Variants in MAF observed in about 807,000 individuals in gnomAD.
The protein encoded by MAF is MAF bZIP transcription factor.
In MAF, 10 loss-of-function variants were observed where a neutral mutation model predicts 22.0. That is an observed-to-expected ratio of 0.45 (90% CI 0.28 to 0.77). The LOEUF is 0.77. Among genes scored for constraint, MAF ranks in the 30% least tolerant of loss-of-function variants. The pLI, the probability that MAF is intolerant of heterozygous loss-of-function variation, is 0.12. For missense variants in MAF, 544 were observed against 548.4 expected, an observed-to-expected ratio of 0.99 and a Z score of 0.08; for synonymous variants, 337 against 255.8, an observed-to-expected ratio of 1.32 and a Z score of -3.03.
At chr16:79,350,591 G>T in the MAF span, among the ~76,000 whole-genome samples, 1 of 152,074 alleles carries the variant, frequency 6.6e-6, no homozygotes, top group Admixed American at 6.6e-5. Flanking sequence ...CAGGCCCCAC[G>T]CTGAAAAACC....
chr16:79,249,329 G>GAACC, the MAF span, among the ~76,000 whole-genome samples: 1 of 150,490 alleles, frequency 6.6e-6, no homozygotes, highest in Admixed American at 6.7e-5. Context: ...TGAGGCAAGA[G>GAACC]AACCACCTGA....
At chr16:79,355,595 G>T in the MAF span, among the ~76,000 whole-genome samples, 3 of 152,194 alleles carry the variant, frequency 2.0e-5, no homozygotes, top group Non-Finnish European at 2.9e-5. Flanking sequence ...TATCTCCCTG[G>T]TTTGAGAGTT....
the MAF span, among the ~76,000 whole-genome samples, chr16:79,403,566 C>T: frequency 6.6e-6 from 1 of 152,254 alleles, no homozygotes; most frequent in East Asian, 1.9e-4. Context: ...CTTAATGCCA[C>T]TCTTTAGGTT....
chr16:79,594,492 G>T lies in MAF; in HGVS notation c.1180C>A (p.His394Asn), dbSNP rs1223990243. The change falls in exon 2 of 2, where the codon CAT (histidine) becomes AAT (asparagine). Residue 394 changes from histidine to asparagine, a missense_variant. This residue lies in a region of MAF where 129 missense variants were observed against 113.6 expected (regional missense o/e 1.14). Transcript: ENST00000326043. ...VGYATFWKPQ[H>N]RVLTSVFTK ...GTGAACACACTGGTAAGTACACGAT[G>T]CTGGGGCTTCCAAAATGTGGCGTAT... 4 of 1,566,370 alleles carry T rather than the reference G, an allele frequency of 2.6e-6. No individual in the cohort carries two copies. In the South Asian group the frequency reaches 4.7e-5, roughly 18 times the overall value.
At chr16:79,387,237 T>G in the MAF span, among the ~76,000 whole-genome samples, 1 of 152,360 alleles carries the variant, frequency 6.6e-6, no homozygotes, top group Admixed American at 6.5e-5. Flanking sequence ...TGGGTGCTGC[T>G]AAGCATTTGC....
chr16:79,549,338 A>C, the MAF span, among the ~76,000 whole-genome samples: 1 of 152,308 alleles, frequency 6.6e-6, no homozygotes, highest in African/African-American at 2.4e-5. Context: ...GAAATGATAC[A>C]AGGTCAGAAC....
At chr16:79,402,697 C>A in the MAF span, among the ~76,000 whole-genome samples, 1 of 152,202 alleles carries the variant, frequency 6.6e-6, no homozygotes, top group Non-Finnish European at 1.5e-5. Context: ...CTTGGCAGGG[C>A]AGGTTTCTGG....
the MAF span, among the ~76,000 whole-genome samples, chr16:79,372,586 C>G: frequency 6.6e-6 from 1 of 152,190 alleles, no homozygotes; most frequent in African/African-American, 2.4e-5. Flanking sequence ...CCGTGGTGAC[C>G]TACTGGGGCA....
At chr16:79,524,779 G>T in the MAF span, among the ~76,000 whole-genome samples, 1 of 152,118 alleles carries the variant, frequency 6.6e-6, no homozygotes, top group East Asian at 1.9e-4. Flanking sequence ...TTATCCCATT[G>T]GATATGGGAA....
the MAF span, among the ~76,000 whole-genome samples, chr16:79,484,449 C>G: frequency 6.6e-6 from 1 of 152,196 alleles, no homozygotes; most frequent in African/African-American, 2.4e-5. Flanking sequence ...TTTCTGGCCA[C>G]AGACACGTCC....
At chr16:79,540,783 C>T in the MAF span, among the ~76,000 whole-genome samples, 8 of 152,198 alleles carry the variant, frequency 5.3e-5, no homozygotes, top group African/African-American at 1.9e-4. Flanking sequence ...TCTTCTCTGA[C>T]ATGTGGGGAA....
chr16:79,397,202 G>T, the MAF span, among the ~76,000 whole-genome samples: 1 of 152,152 alleles, frequency 6.6e-6, no homozygotes, highest in Non-Finnish European at 1.5e-5. Flanking sequence ...GAATCCTTTG[G>T]CAATCTGTGT....
the MAF span, among the ~76,000 whole-genome samples, chr16:79,446,159 T>C: frequency 2.6e-5 from 4 of 152,084 alleles, no homozygotes; most frequent in Admixed American, 2.0e-4. Flanking sequence ...TTTTCATCAA[T>C]GGAAGGGGAT....
the MAF span, among the ~76,000 whole-genome samples, chr16:79,363,754 A>G: frequency 6.6e-6 from 1 of 152,224 alleles, no homozygotes; most frequent in South Asian, 2.1e-4. Context: ...GCAAGACTTC[A>G]AAATAGGAGA....
At chr16:79,559,227 G>C in the MAF span, among the ~76,000 whole-genome samples, 1 of 152,254 alleles carries the variant, frequency 6.6e-6, no homozygotes, top group South Asian at 2.1e-4. Context: ...GATGGTTTGT[G>C]CACACACTTA....
the MAF span, among the ~76,000 whole-genome samples, chr16:79,267,630 A>G: frequency 2.0e-5 from 3 of 152,204 alleles, no homozygotes; most frequent in African/African-American, 7.2e-5. Context: ...GTAGTATGAC[A>G]TGGAGAGAGT....
chr16:79,332,844 C>T, the MAF span, among the ~76,000 whole-genome samples: 3 of 152,328 alleles, frequency 2.0e-5, no homozygotes, highest in East Asian at 3.9e-4. Context: ...ATTTCTACTA[C>T]CCTTTACTAC....
the MAF span, among the ~76,000 whole-genome samples, chr16:79,310,381 G>A: frequency 1.3e-5 from 2 of 152,146 alleles, no homozygotes; most frequent in Non-Finnish European, 2.9e-5. Context: ...GAGACAGAGA[G>A]TAAGAGAGAG....
the MAF span, among the ~76,000 whole-genome samples, chr16:79,496,595 C>T: frequency 6.6e-6 from 1 of 152,204 alleles, no homozygotes; most frequent in Non-Finnish European, 1.5e-5. Context: ...AGATATCTGC[C>T]TTCATCTATA....
Sources: allele counts gnomAD v4.1 joint callset (sites outside exome capture counted in the v4.1 genomes callset), GRCh38; gene constraint gnomAD v4.1.1; regional missense constraint gnomAD v4.1.1; transcripts MANE v1.5; gene names NCBI Gene and HGNC (gene_info 2026-07-23, HGNC 2026-07-21).